The following TJP2 variants were observed in gnomAD, a reference collection of about 807,000 sequenced individuals.
TJP2 encodes the protein tight junction protein 2, also known as Friedreich ataxia region gene X104 (tight junction protein ZO-2).
TJP2 carries 91 observed loss-of-function variants against 133.1 expected under a neutral mutation model. That is an observed-to-expected ratio of 0.68 (90% CI 0.58 to 0.81). The LOEUF (loss-of-function observed/expected upper bound fraction) is 0.81. Ranked by LOEUF, TJP2 falls within the 40% of genes least tolerant of loss-of-function variation. The pLI is 0.00. For missense variants in TJP2, 1,541 were observed against 1,565.6 expected (o/e 0.98, Z 0.26); for synonymous variants, 592 against 583.4 (o/e 1.01, Z -0.21).
chr9:69,239,464 A>G (rs1830436052), intron 16 of TJP2, among the ~76,000 whole-genome samples: 1 of 152,208 alleles, frequency 6.6e-6, no homozygotes, highest in Admixed American at 6.5e-5. Flanking sequence ...AGAAGTTCTA[A>G]CACATTGGTA....
intron 1 of TJP2, among the ~76,000 whole-genome samples, chr9:69,142,928 T>C (rs1385732146): frequency 6.6e-6 from 1 of 152,254 alleles, no homozygotes; most frequent in Non-Finnish European, 1.5e-5. Flanking sequence ...TATGCATATT[T>C]CTAAATAATT....
At chr9:69,138,483 A>AG (rs912641070) in intron 1 of TJP2, among the ~76,000 whole-genome samples, 4 of 151,530 alleles carry the variant, frequency 2.6e-5, no homozygotes, top group African/African-American at 9.7e-5. Context: ...AAAAAAAAAA[A>AG]GGGCCAGGGA....
intron 2 of TJP2, among the ~76,000 whole-genome samples, chr9:69,160,959 G>T (rs1824036270): frequency 6.6e-6 from 1 of 152,116 alleles, no homozygotes; most frequent in Non-Finnish European, 1.5e-5. Flanking sequence ...ATGAGATTTG[G>T]GTGGGGACAC....
chr9:69,204,894 A>G (rs961582151), intron 1 of TJP2: 190 of 1,257,028 alleles, frequency 1.5e-4, no homozygotes, highest in Non-Finnish European at 1.8e-4. Context: ...CGGATGCTCT[A>G]GTTCCCTGGC....
At chr9:69,128,667 C>T (rs1182880172) in intron 1 of TJP2, among the ~76,000 whole-genome samples, 4 of 151,930 alleles carry the variant, frequency 2.6e-5, no homozygotes, top group East Asian at 1.9e-4. Context: ...GGACTACAGG[C>T]GCCCAACACC....
rs531248291 is a variant in TJP2 at position 69,249,180 on chromosome 9, C to G, written c.2881-195C>G. ...TTGTGCTTTAAAGGAAGAGACTCTA[C>G]ATTGGATGCAGCCAGTTTTTAAAAA... On this transcript the variant is annotated intron_variant, in intron 19 of 22. Coordinates refer to ENST00000377245, the MANE Select transcript of TJP2 (RefSeq NM_004817.4). 1,281 of 985,392 alleles carry G rather than the reference C, an allele frequency of 1.3e-3. 4 individuals are homozygous for G. The highest frequency in any genetic ancestry group is 1.4e-3 in the Non-Finnish European group (1,176 of 829,930). The allele number at this position is 985,392 out of a possible 1,614,324, so 61.0% of individuals were successfully genotyped here. A position where few individuals can be genotyped will look rare whatever the true frequency, so the allele number is the denominator to read the frequency against.
In TJP2 at chr9:69,243,654, C is replaced by G. The variant is rs530535046; in HGVS notation, c.2567-3036C>G. 2.6e-5 allele frequency among the ~76,000 whole-genome samples: 4 copies of G among 152,294 alleles called. No homozygotes were observed. The East Asian group carries it at 7.7e-4, about 29-fold the overall frequency. On this transcript the variant is annotated intron_variant, in intron 17 of 22. Coordinates refer to ENST00000377245, the MANE Select transcript of TJP2 (RefSeq NM_004817.4). Reference sequence around the variant, plus strand: ...AAGTTGACTTATGGATTTAGAGACCCAAGTGGGGCTACCCTTTTATGCTAA... The same window carrying G: ...AAGTTGACTTATGGATTTAGAGACCGAAGTGGGGCTACCCTTTTATGCTAA...
Position 69,254,104 on chromosome 9 carries a change from G to C in TJP2, c.3408-105G>C, listed in dbSNP as rs536893520. On this transcript the variant is annotated intron_variant, in intron 22 of 22. Transcript: ENST00000377245. ...TGCAGAATGTGGCTCAGAGGTAAGT[G>C]ATCTGCTCGGGATACCCAGTCACTG... 392 of 1,320,034 alleles carry C rather than the reference G, an allele frequency of 3.0e-4. 1 individual carries two copies. In the African/African-American group the frequency reaches 5.0e-3, roughly 17 times the overall value. The allele number at this position is 1,320,034 out of a possible 1,614,324, so 81.8% of individuals were successfully genotyped here. A position where few individuals can be genotyped will look rare whatever the true frequency, so the allele number is the denominator to read the frequency against.
chr9:69,254,300 C>T lies in TJP2; in HGVS notation c.3499C>T (p.Arg1167Cys), dbSNP rs377625722. The T allele has an allele frequency of 4.7e-5, 76 of 1,614,228 alleles. 3 individuals are homozygous for T. The South Asian group carries it at 6.0e-4, about 13-fold the overall frequency. The change falls in exon 23 of 23, where the codon CGC (arginine) becomes TGC (cysteine). Residue 1167 changes from arginine to cysteine, a missense_variant. Arg to Cys is a radical substitution (Grantham distance 180). Transcript: ENST00000377245. ...CAGTGATGCCGAGGAGGAGGAGTAC[C>T]GCCAGCAGCTGTCAGAACACTCCAA... ...YGSDAEEEEY[R>C]QQLSEHSKRG... is the part of the protein sequence containing the mutation.
At chr9:69,157,528 T>C (rs1003963260) in intron 2 of TJP2, among the ~76,000 whole-genome samples, 1 of 151,160 alleles carries the variant, frequency 6.6e-6, no homozygotes, top group African/African-American at 2.4e-5. Context: ...TACAGTAGCA[T>C]GATCTTGGCT....
intron 2 of TJP2, among the ~76,000 whole-genome samples, 170 bp from the exon 3 acceptor site, chr9:69,216,169 C>T (rs1015420693): frequency 2.6e-5 from 4 of 152,210 alleles, no homozygotes; most frequent in African/African-American, 4.8e-5. Context: ...ATAAACCTGT[C>T]AGCTGACAAT....
chr9:69,183,017 G>A (rs561441519), intron 1 of TJP2, among the ~76,000 whole-genome samples: 6 of 151,040 alleles, frequency 4.0e-5, no homozygotes, highest in Non-Finnish European at 7.4e-5. Flanking sequence ...GGCTGATCTC[G>A]AACTCCTGAT....
intron 1 of TJP2, among the ~76,000 whole-genome samples, chr9:69,179,661 G>A (rs990766448): frequency 1.3e-5 from 2 of 151,826 alleles, no homozygotes; most frequent in Admixed American, 6.6e-5. Context: ...CACCACGCCC[G>A]GCTAATTTTT....
At chr9:69,238,892 A>C in intron 16 of TJP2, 103 bp downstream of exon 16, 1 of 1,059,480 alleles carries the variant, frequency 9.4e-7, no homozygotes, top group Non-Finnish European at 1.4e-6. Context: ...ATTAAATGTT[A>C]ATAATAAAAA....
In TJP2 at chr9:69,140,827, T is replaced by A. The variant is rs114970479; in HGVS notation, c.-130-10824T>A. 5.5e-3 allele frequency among the ~76,000 whole-genome samples: 844 copies of A among 152,278 alleles called. 5 individuals are homozygous for A. The highest frequency in any genetic ancestry group is 0.019 in the African/African-American group (783 of 41,572). On this transcript the variant is annotated intron_variant, in intron 1 of 5. Coordinates refer to the TJP2 transcript ENST00000423935. Reference sequence around the variant, plus strand: ...TAATAGGGAGCGGTGTTCCCTCACATAAGGAGTTCAAAGTTTTTTATTTCT... The same window carrying A: ...TAATAGGGAGCGGTGTTCCCTCACAAAAGGAGTTCAAAGTTTTTTATTTCT...
At chr9:69,184,763 T>TC in intron 1 of TJP2, among the ~76,000 whole-genome samples, 1 of 150,264 alleles carries the variant, frequency 6.7e-6, no homozygotes, top group Non-Finnish European at 1.5e-5. Context: ...TTTTTTTTTT[T>TC]TTTTTTTGAG....
At chr9:69,212,651 G>A (rs752770893) in intron 2 of TJP2, 50 bp downstream of exon 2, 26 of 1,454,508 alleles carry the variant, frequency 1.8e-5, no homozygotes, top group Middle Eastern at 1.7e-4. Flanking sequence ...TTGATTTTAC[G>A]GATCATGGAT....
chr9:69,171,858 C>T (rs535622099), upstream of TJP2, among the ~76,000 whole-genome samples: 3 of 123,286 alleles, frequency 2.4e-5, no homozygotes, highest in Non-Finnish European at 4.7e-5. Context: ...TGCAGTGGTG[C>T]AATCTCGTCT....
In TJP2 at chr9:69,229,193, C is replaced by G. The variant is rs754417710; in HGVS notation, c.1463C>G (p.Pro488Arg). ...RYQEDPPAPQ[P>R]KAAPRTFLRP... is the part of the protein sequence containing the mutation. ...GTTTCTTAACCTACAGCTCCTCAAC[C>G]AAAAGCAGCCCCGAGAACTTTTCTT... Residue 488 changes from proline to arginine, a missense_variant, in exon 10 of 23, where the codon CCA becomes CGA. Physicochemically the swap from Pro to Arg is moderately radical, Grantham distance 103 (BLOSUM62 -2). Coordinates refer to ENST00000377245, the MANE Select transcript of TJP2 (RefSeq NM_004817.4). 2 of 1,614,082 alleles carry G rather than the reference C, an allele frequency of 1.2e-6. No individual in the cohort carries two copies. Among genetic ancestry groups the G allele is most frequent in the Admixed American group, 3.3e-5 (2 of 60,016 alleles).
Sources: gnomAD v4.1 joint callset for allele counts (sites outside exome capture counted in the v4.1 genomes callset) on GRCh38, gnomAD v4.1.1 for gene constraint, MANE v1.5 for transcripts, NCBI Gene and HGNC (gene_info 2026-07-23, HGNC 2026-07-21) for gene names.